Variants in ITGB3BP observed in about 807,000 individuals in gnomAD.
ITGB3BP encodes the protein centromere protein R.
A neutral mutation model predicts 29.1 loss-of-function variants in ITGB3BP; 27 were observed. That is an observed-to-expected ratio of 0.93 (90% CI 0.68 to 1.28). ITGB3BP has a LOEUF of 1.28. Ranked by LOEUF, ITGB3BP falls within the 50% of genes most tolerant of loss-of-function variation. The pLI is 0.00. For synonymous variants in ITGB3BP, 61 were observed against 61.4 expected (o/e 0.99, Z 0.03); for missense variants, 192 against 200.2 (o/e 0.96, Z 0.25).
rs1318506099 is a variant in ITGB3BP at position 63,528,987 on chromosome 1, T to A, written n.253+144A>T. The A allele has an allele frequency of 3.9e-5, 6 of 152,180 alleles. No homozygotes were observed. The East Asian group carries it at 1.2e-3, about 29-fold the overall frequency. 9.4% of individuals were successfully genotyped at this position (152,180 alleles called of 1,614,324 possible). On this transcript the variant is annotated intron_variant and non_coding_transcript_variant, in intron 2 of 4. Transcript: ENST00000478138. ...GCAAAAAAAAAATTACAACTTCATT[T>A]ACATCTACTTGTATTCCCAGCTTTT...
intron 2 of ITGB3BP, among the ~76,000 whole-genome samples, chr1:63,505,483 T>C (rs1646054530): frequency 6.6e-6 from 1 of 152,164 alleles, no homozygotes; most frequent in Admixed American, 6.5e-5. Flanking sequence ...CATTGATTTT[T>C]TGAAGGGTTT....
chr1:63,448,930 T>C (rs1047726516), intron 7 of ITGB3BP, among the ~76,000 whole-genome samples: 7 of 152,192 alleles, frequency 4.6e-5, no homozygotes, highest in African/African-American at 1.7e-4. Context: ...GGAAAATGTC[T>C]ATAAAATTTG....
In ITGB3BP at chr1:63,490,179, T is replaced by C. The variant is rs1058057; in HGVS notation, c.88A>G (p.Ile30Val). The C allele has an allele frequency of 6.3e-7, 1 of 1,591,926 alleles. No individual in the cohort carries two copies. Among genetic ancestry groups the C allele is most frequent in the Non-Finnish European group, 8.6e-7 (1 of 1,161,248 alleles). ...GTTCCAGTTGTTGGAGAATAAGTTATAACACTTTTCTTCCTTGTGATTTTT... is the reference window on the plus strand; with the variant it reads ...GTTCCAGTTGTTGGAGAATAAGTTACAACACTTTTCTTCCTTGTGATTTTT... ...PSKITRKKSV[I>V]TYSPTTGTCQ... The change falls in exon 3 of 9, where the codon ATA becomes GTA. Residue 30 changes from isoleucine (I) to valine (V), a missense_variant. Physicochemically the swap from Ile to Val is conservative, Grantham distance 29 (BLOSUM62 3). Transcript: ENST00000271002.
chr1:63,495,655 C>G (rs762153760), intron 2 of ITGB3BP, among the ~76,000 whole-genome samples: 6 of 148,574 alleles, frequency 4.0e-5, no homozygotes, highest in Non-Finnish European at 8.9e-5. Context: ...CAATCACTCT[C>G]TCTTCCCTTG....
intron 1 of ITGB3BP, among the ~76,000 whole-genome samples, chr1:63,510,687 T>C (rs1646181154): frequency 6.6e-6 from 1 of 152,188 alleles, no homozygotes; most frequent in Non-Finnish European, 1.5e-5. Flanking sequence ...GCAACTTGCC[T>C]ATTGTCACAC....
chr1:63,494,676 T>C (rs1300446525), intron 2 of ITGB3BP, among the ~76,000 whole-genome samples: 6 of 152,164 alleles, frequency 3.9e-5, no homozygotes, highest in Non-Finnish European at 7.4e-5. Flanking sequence ...ACAAGAAAAA[T>C]AAAATACTGG....
At chr1:63,482,915 A>G (rs892710567) in intron 3 of ITGB3BP, among the ~76,000 whole-genome samples, 4 of 152,182 alleles carry the variant, frequency 2.6e-5, no homozygotes, top group Non-Finnish European at 5.9e-5. Flanking sequence ...CAGCCCCCCA[A>G]AGTGCTGGGA....
At chr1:63,527,859 T>C (rs558903240), upstream of ITGB3BP, 10 of 152,336 alleles carry the variant, frequency 6.6e-5, no homozygotes, top group Admixed American at 1.3e-4. Context: ...AGCTACCACT[T>C]GTGAGAAAAA....
chr1:63,507,654 T>C (rs1420599586), intron 2 of ITGB3BP, among the ~76,000 whole-genome samples: 1 of 152,212 alleles, frequency 6.6e-6, no homozygotes, highest in Non-Finnish European at 1.5e-5. Flanking sequence ...TTAAGTGTCA[T>C]TGCAGTACTT....
chr1:63,504,088 A>G (rs61767000), intron 2 of ITGB3BP, among the ~76,000 whole-genome samples: 16 of 151,856 alleles, frequency 1.1e-4, no homozygotes, highest in African/African-American at 2.7e-4. Flanking sequence ...CATTGAATCT[A>G]TAAATTACCT....
At chr1:63,473,622 G>T (rs1645259759) in intron 4 of ITGB3BP, among the ~76,000 whole-genome samples, 1 of 136,642 alleles carries the variant, frequency 7.3e-6, no homozygotes, top group Non-Finnish European at 1.6e-5. Context: ...GGGAGGTGGG[G>T]GGGTCAGCCC....
chr1:63,465,733 A>G (rs1645088890), intron 4 of ITGB3BP, among the ~76,000 whole-genome samples: 1 of 152,098 alleles, frequency 6.6e-6, no homozygotes, highest in South Asian at 2.1e-4. Context: ...TCTTTTCTCC[A>G]TGAACTCTAC....
intron 2 of ITGB3BP, among the ~76,000 whole-genome samples, chr1:63,493,414 C>CAAA (rs59206263): frequency 0.01 from 1,488 of 144,224 alleles, 28 homozygotes; most frequent in African/African-American, 0.038. Flanking sequence ...GATTCTGTCT[C>CAAA]AAAAAACAAA....
At chr1:63,475,633 C>A (rs11809316) in intron 4 of ITGB3BP, among the ~76,000 whole-genome samples, 1 of 152,000 alleles carries the variant, frequency 6.6e-6, no homozygotes, top group African/African-American at 2.4e-5. Flanking sequence ...GAATAAAGAA[C>A]CTATTACTAA....
upstream of ITGB3BP, among the ~76,000 whole-genome samples, chr1:63,525,991 C>T (rs955468755): frequency 6.6e-6 from 1 of 152,092 alleles, no homozygotes; most frequent in Non-Finnish European, 1.5e-5. Context: ...AAGCTTCTAT[C>T]AATTACTACT....
chr1:63,459,149 T>G (rs2100526405), intron 4 of ITGB3BP, among the ~76,000 whole-genome samples: 1 of 152,218 alleles, frequency 6.6e-6, no homozygotes, highest in East Asian at 1.9e-4. Context: ...CACCCAATGC[T>G]GCTTAACTCT....
At chr1:63,461,083 C>CA (rs35518465) in intron 4 of ITGB3BP, among the ~76,000 whole-genome samples, 177 of 97,542 alleles carry the variant, frequency 1.8e-3, no homozygotes, top group African/African-American at 4.4e-3. Flanking sequence ...ACTAAAACTA[C>CA]AAAAAAAAAA....
chr1:63,512,559 G>A (rs1396943900), intron 1 of ITGB3BP, among the ~76,000 whole-genome samples: 1 of 152,020 alleles, frequency 6.6e-6, no homozygotes, highest in Non-Finnish European at 1.5e-5. Flanking sequence ...AAGAATGGGG[G>A]GTAAAGAATA....
At chr1:63,525,422 AC>A (rs1365205224), upstream of ITGB3BP, 48 of 552,274 alleles carry the variant, frequency 8.7e-5, no homozygotes, top group African/African-American at 7.6e-4. Context: ...CACATATAAA[AC>A]TTTTAATATC....
Sources: gnomAD v4.1 joint callset for allele counts (sites outside exome capture counted in the v4.1 genomes callset) on GRCh38, gnomAD v4.1.1 for gene constraint, MANE v1.5 for transcripts, NCBI Gene and HGNC (gene_info 2026-07-23, HGNC 2026-07-21) for gene names.